Variants in REDIC1 observed in about 807,000 individuals in gnomAD.
REDIC1 encodes regulator of DNA class I crossover intermediates 1.
chr12:39,683,593 C>A, the REDIC1 span: 2 of 818,558 alleles, frequency 2.4e-6, no homozygotes, highest in Non-Finnish European at 3.9e-6. Context: ...TGAGGGTGGG[C>A]AGGCAACCTG....
chr12:39,829,392 C>CTTTATTTTTTTT, the REDIC1 span: 1 of 65,796 alleles, frequency 1.5e-5, no homozygotes, highest in Admixed American at 2.3e-4. Flanking sequence ...GATAGTAATT[C>CTTTATTTTTTTT]TTTTTTTTTT....
At chr12:39,713,337 T>C in the REDIC1 span, among the ~76,000 whole-genome samples, 2 of 136,794 alleles carry the variant, frequency 1.5e-5, no homozygotes, top group South Asian at 4.5e-4. Flanking sequence ...CACATATACG[T>C]GTATATATGT....
the REDIC1 span, among the ~76,000 whole-genome samples, chr12:39,827,240 A>C: frequency 6.6e-6 from 1 of 152,106 alleles, no homozygotes; most frequent in Non-Finnish European, 1.5e-5. Context: ...TCACAAAGGC[A>C]GTGTGAAATG....
chr12:39,896,061 T>C, the REDIC1 span, among the ~76,000 whole-genome samples: 1 of 111,280 alleles, frequency 9.0e-6, no homozygotes, highest in Non-Finnish European at 1.8e-5. Context: ...TATATATGCA[T>C]ACATATATGT....
chr12:39,788,617 G>A, the REDIC1 span: 1 of 152,130 alleles, frequency 6.6e-6, no homozygotes, highest in African/African-American at 2.4e-5. Flanking sequence ...GAGAAACCAT[G>A]GATAAGGGAG....
chr12:39,736,115 T>C, the REDIC1 span, among the ~76,000 whole-genome samples: 1 of 152,234 alleles, frequency 6.6e-6, no homozygotes, highest in Non-Finnish European at 1.5e-5. Context: ...GAGGAGGAAC[T>C]ATGAGCTCAG....
At chr12:39,751,213 C>T in the REDIC1 span, among the ~76,000 whole-genome samples, 6 of 152,088 alleles carry the variant, frequency 3.9e-5, no homozygotes. Context: ...AACAAATTTA[C>T]AAGGAAAAAA....
chr12:39,703,087 A>C, the REDIC1 span, among the ~76,000 whole-genome samples: 3 of 152,214 alleles, frequency 2.0e-5, no homozygotes, highest in Admixed American at 1.3e-4. Context: ...TGGCCAGGGC[A>C]ATTAGGCAGG....
chr12:39,684,633 C>A, the REDIC1 span, among the ~76,000 whole-genome samples: 1 of 152,058 alleles, frequency 6.6e-6, no homozygotes. Context: ...AACATGGTTC[C>A]CAATCCTGAC....
chr12:39,761,825 G>A, the REDIC1 span, among the ~76,000 whole-genome samples: 4 of 152,160 alleles, frequency 2.6e-5, no homozygotes, highest in African/African-American at 9.6e-5. Context: ...TACAAAATCT[G>A]TAACAGCAAA....
At chr12:39,773,665 C>T in the REDIC1 span, among the ~76,000 whole-genome samples, 1 of 152,210 alleles carries the variant, frequency 6.6e-6, no homozygotes, top group Non-Finnish European at 1.5e-5. Context: ...CACATGCTGT[C>T]TATATTGCCC....
At chr12:39,814,743 G>A in the REDIC1 span, among the ~76,000 whole-genome samples, 2 of 151,994 alleles carry the variant, frequency 1.3e-5, no homozygotes, top group African/African-American at 4.8e-5. Context: ...CTCAACACTA[G>A]TAAGAAAGAA....
the REDIC1 span, among the ~76,000 whole-genome samples, chr12:39,697,340 C>T: frequency 3.3e-5 from 5 of 152,162 alleles, no homozygotes; most frequent in Admixed American, 2.6e-4. Flanking sequence ...CAACACCAGA[C>T]CTGTTCTGCA....
the REDIC1 span, among the ~76,000 whole-genome samples, chr12:39,696,542 CAAAAAAAAAAAAAAAAAAAAAAAA>C: frequency 2.7e-4 from 3 of 11,062 alleles, no homozygotes; most frequent in East Asian, 6.4e-3. Flanking sequence ...GACTCTGTCT[CAAAAAAAAAAAAAAAAAAAAAAAA>C]AAAAAAAAAA....
the REDIC1 span, among the ~76,000 whole-genome samples, chr12:39,719,455 A>G: frequency 6.6e-6 from 1 of 151,954 alleles, no homozygotes; most frequent in African/African-American, 2.4e-5. Flanking sequence ...GCAAAAACAA[A>G]TACAAAAAAT....
chr12:39,728,485 AG>A, the REDIC1 span, among the ~76,000 whole-genome samples: 1 of 152,204 alleles, frequency 6.6e-6, no homozygotes, highest in African/African-American at 2.4e-5. Context: ...CTTGCATCTC[AG>A]GGATGAAGCC....
chr12:39,721,261 A>G, the REDIC1 span: 1 of 1,598,428 alleles, frequency 6.3e-7, no homozygotes, highest in East Asian at 2.2e-5. Flanking sequence ...ATATTCTAAA[A>G]TCTCTACCTA....
At chr12:39,776,270 C>CACAATCACT in the REDIC1 span, among the ~76,000 whole-genome samples, 14 of 152,138 alleles carry the variant, frequency 9.2e-5, no homozygotes, top group Admixed American at 3.3e-4. Flanking sequence ...ATTTATACTA[C>CACAATCACT]ACACTGCTTC....
the REDIC1 span, among the ~76,000 whole-genome samples, chr12:39,812,799 G>T: frequency 2.0e-5 from 3 of 149,680 alleles, no homozygotes; most frequent in South Asian, 6.4e-4. Context: ...ATGACTTTAG[G>T]GGGTGGGGGG....
Sources: allele counts gnomAD v4.1 joint callset (sites outside exome capture counted in the v4.1 genomes callset), GRCh38; gene constraint gnomAD v4.1.1; transcripts MANE v1.5; gene names NCBI Gene and HGNC (gene_info 2026-07-23, HGNC 2026-07-21).